Variants in VAV2 observed in about 807,000 individuals in gnomAD.
VAV2 encodes guanine nucleotide exchange factor VAV2.
VAV2 carries 67 observed loss-of-function variants against 132.5 expected under a neutral mutation model. The ratio of observed to expected loss-of-function variants is 0.51; its 90% CI spans 0.42 to 0.62. VAV2 has a LOEUF of 0.62. Ranked by LOEUF, VAV2 falls within the 20% of genes least tolerant of loss-of-function variation. The pLI is 0.00. For synonymous variants in VAV2, 492 were observed against 443.5 expected (o/e 1.11, Z -1.37); for missense variants, 938 against 1,153.6 (o/e 0.81, Z 2.71).
At chr9:133,782,598 G>A (rs370633981) in intron 19 of VAV2, among the ~76,000 whole-genome samples, 14 of 152,200 alleles carry the variant, frequency 9.2e-5, no homozygotes, top group Non-Finnish European at 1.0e-4. Context: ...GGGCAATGGC[G>A]TCTCTGGGTG....
At chr9:133,982,272 GC>G (rs1416288981) in intron 1 of VAV2, among the ~76,000 whole-genome samples, 1 of 152,220 alleles carries the variant, frequency 6.6e-6, no homozygotes, top group African/African-American at 2.4e-5. Flanking sequence ...GCGACGGCCG[GC>G]CGGCAGGAGG....
chr9:133,989,578 A>T (rs1283417900), intron 1 of VAV2, among the ~76,000 whole-genome samples: 2 of 123,312 alleles, frequency 1.6e-5, no homozygotes, highest in Non-Finnish European at 3.4e-5. Context: ...CCAGCTACTC[A>T]GGAGGCTGAG....
chr9:133,916,984 G>C (rs2789835), intron 2 of VAV2, among the ~76,000 whole-genome samples: 144,846 of 152,226 alleles, frequency 0.95, 69,030 homozygotes, highest in East Asian at 1. Flanking sequence ...CGGAGCTTTG[G>C]GAACACTCAG....
chr9:133,846,600 G>GCA (rs34519639), intron 3 of VAV2, among the ~76,000 whole-genome samples: 150,030 of 152,294 alleles, frequency 0.99, 73,916 homozygotes, highest in East Asian at 1. Context: ...GGGCCGCCAA[G>GCA]CAGTTCCCCA....
At chr9:133,832,936 G>C (rs1836319488) in intron 4 of VAV2, among the ~76,000 whole-genome samples, 1 of 152,060 alleles carries the variant, frequency 6.6e-6, no homozygotes, top group African/African-American at 2.4e-5. Context: ...CCCAGGCCTG[G>C]CTGTGACCTG....
chr9:133,986,250 G>C (rs974858771), intron 1 of VAV2, among the ~76,000 whole-genome samples: 3 of 152,204 alleles, frequency 2.0e-5, no homozygotes. Context: ...ATGCAGCGTG[G>C]AGGCGGAGCT....
chr9:133,886,296 G>A (rs1463344517), intron 2 of VAV2, among the ~76,000 whole-genome samples: 1 of 152,214 alleles, frequency 6.6e-6, no homozygotes. Flanking sequence ...AGGCATCTGA[G>A]CAGTGGCCAC....
At chr9:133,939,705 C>G (rs967658070) in intron 1 of VAV2, among the ~76,000 whole-genome samples, 2 of 152,264 alleles carry the variant, frequency 1.3e-5, no homozygotes, top group Non-Finnish European at 2.9e-5. Flanking sequence ...CGCATGCTCA[C>G]GTGGGCACGT....
chr9:133,834,168 G>T lies in VAV2; in HGVS notation c.449+104C>A. Reference sequence around the variant, plus strand: ...GGTGGGAAGGGCCAGGGCCAGCTCTGCCTGCACTGTGGCCGCCATGTTTCC... The same window carrying T: ...GGTGGGAAGGGCCAGGGCCAGCTCTTCCTGCACTGTGGCCGCCATGTTTCC... On this transcript the variant is annotated intron_variant, in intron 4 of 29. Coordinates refer to ENST00000371850, the MANE Select transcript of VAV2 (RefSeq NM_001134398.2). The surrounding 1 kb of genome is among the most constrained non-coding windows in gnomAD (Gnocchi z 5.9). 7.5e-7 allele frequency: 1 copy of T among 1,340,722 alleles called. No homozygotes were observed. The allele number at this position is 1,340,722 out of a possible 1,614,324, so 83.1% of individuals were successfully genotyped here.
chr9:133,783,014 A>G (rs573111092), intron 19 of VAV2, among the ~76,000 whole-genome samples: 9 of 152,296 alleles, frequency 5.9e-5, no homozygotes, highest in Admixed American at 5.9e-4. Context: ...ATGGGCATGA[A>G]CAGAAGGGAA....
At chr9:133,931,405 C>CA (rs78706592) in intron 2 of VAV2, among the ~76,000 whole-genome samples, 1 of 5,304 alleles carries the variant, frequency 1.9e-4, no homozygotes. Flanking sequence ...GCCCAGGGGG[C>CA]CCCCCTCCTG....
In VAV2 at chr9:133,840,122, C is replaced by T. The variant is rs1836660182; in HGVS notation, c.381-5782G>A. Among the ~76,000 whole-genome samples the T allele has an allele frequency of 6.6e-6, 1 of 152,228 alleles. No homozygotes were observed. Among genetic ancestry groups the T allele is most frequent in the African/African-American group, 2.4e-5 (1 of 41,458 alleles). ...GCAGGGAATGAGAAGCAGAGAAGGCCAACCACAGCCTATCCAGAAGTTGTC... is the reference window on the plus strand; with the variant it reads ...GCAGGGAATGAGAAGCAGAGAAGGCTAACCACAGCCTATCCAGAAGTTGTC... On this transcript the variant is annotated intron_variant, in intron 3 of 29. Coordinates refer to ENST00000371850, the MANE Select transcript of VAV2 (RefSeq NM_001134398.2). The surrounding 1 kb of genome is among the most constrained non-coding windows in gnomAD (Gnocchi z 4.5).
At chr9:133,879,000 G>A (rs1275726277) in intron 2 of VAV2, among the ~76,000 whole-genome samples, 3 of 152,194 alleles carry the variant, frequency 2.0e-5, no homozygotes, top group Non-Finnish European at 4.4e-5. Flanking sequence ...AGCATGGTGG[G>A]GCAGGGGCAG....
chr9:133,833,698 T>C lies in VAV2; in HGVS notation c.449+574A>G, dbSNP rs1189316352. On this transcript the variant is annotated intron_variant, in intron 4 of 29. Coordinates refer to ENST00000371850, the MANE Select transcript of VAV2 (RefSeq NM_001134398.2). This position sits in a 1 kb window ranked among gnomAD's most constrained non-coding sequence, Gnocchi z 5.6. ...CACGGTCCCGATGGGGCCCTGGTGC[T>C]GTGGCCAGGCTTGGGCAGCGCCTGG... Among the ~76,000 whole-genome samples, 1 of 152,106 alleles carries C rather than the reference T, an allele frequency of 6.6e-6. No homozygotes were observed. The highest frequency in any genetic ancestry group is 2.4e-5 in the African/African-American group (1 of 41,434).
chr9:133,892,567 G>A (rs765683384), intron 2 of VAV2, among the ~76,000 whole-genome samples: 1 of 152,056 alleles, frequency 6.6e-6, no homozygotes, highest in African/African-American at 2.4e-5. Flanking sequence ...TGCAGGGCTC[G>A]GCCAAAGGGC....
rs111532696 is a variant in VAV2 at position 133,763,673 on chromosome 9, C to T, written c.*389G>A. On this transcript the variant is annotated 3_prime_UTR_variant, in exon 30 of 30. Transcript: ENST00000371850. This position sits in a 1 kb window ranked among gnomAD's most constrained non-coding sequence, Gnocchi z 6.8. ...TGGGGGCAGGTCCCCTCCGATGTCC[C>T]TAGCCCTTCCTGGGACAGCATCTGC... The T allele has an allele frequency of 4.6e-3, 1,182 of 257,650 alleles. 4 individuals carry two copies. Among genetic ancestry groups the T allele is most frequent in the Non-Finnish European group, 5.0e-3 (652 of 130,844 alleles). 16.0% of individuals were successfully genotyped at this position (257,650 alleles called of 1,614,324 possible).
intron 2 of VAV2, among the ~76,000 whole-genome samples, chr9:133,920,075 TACTCCCTCTTACCGCACACCGAGA>T (rs1446433996): frequency 6.6e-6 from 1 of 151,636 alleles, no homozygotes; most frequent in African/African-American, 2.4e-5. Context: ...AACTGACAGG[TACTCCCTCTTACCGCACACCGAGA>T]ACCAGGCCTC....
At chr9:133,850,601 C>T (rs756361765) in intron 3 of VAV2, among the ~76,000 whole-genome samples, 29 of 152,292 alleles carry the variant, frequency 1.9e-4, no homozygotes, top group Admixed American at 7.8e-4. Flanking sequence ...CCATCTGTAA[C>T]GGGAGGGAAT....
At chr9:133,939,043 T>C (rs866293548) in intron 2 of VAV2, 60 bp downstream of exon 2, 2 of 1,514,748 alleles carry the variant, frequency 1.3e-6, no homozygotes, top group Non-Finnish European at 1.8e-6. Context: ...CACCTGCCGC[T>C]GAGCCGGCAA....
Sources: gnomAD v4.1 joint callset for allele counts (sites outside exome capture counted in the v4.1 genomes callset) on GRCh38, gnomAD v4.1.1 for gene constraint, Gnocchi (gnomAD v3.1) non-coding constraint, MANE v1.5 for transcripts, NCBI Gene and HGNC (gene_info 2026-07-23, HGNC 2026-07-21) for gene names.